Variants in UACA observed in about 807,000 individuals in gnomAD.
UACA encodes the protein uveal autoantigen with coiled-coil domains and ankyrin repeats, also known as nuclear membrane binding protein.
A neutral mutation model predicts 160.5 loss-of-function variants in UACA; 112 were observed. That is an observed-to-expected ratio of 0.70 (90% CI 0.60 to 0.82). The LOEUF (loss-of-function observed/expected upper bound fraction) is 0.82. Ranked by LOEUF, UACA falls within the 40% of genes least tolerant of loss-of-function variation. The pLI is 0.00. For missense variants in UACA, 1,574 were observed against 1,614.6 expected, an observed-to-expected ratio of 0.97 and a Z score of 0.43; for synonymous variants, 557 against 568.4, an observed-to-expected ratio of 0.98 and a Z score of 0.29.
the UACA span, among the ~76,000 whole-genome samples, chr15:70,772,337 C>CA: frequency 6.6e-6 from 1 of 151,518 alleles, no homozygotes; most frequent in Non-Finnish European, 1.5e-5. Flanking sequence ...ACTAAAAATA[C>CA]AAAAAATTAG....
chr15:70,738,182 A>G (rs1327650183), intron 1 of UACA, among the ~76,000 whole-genome samples: 1 of 152,148 alleles, frequency 6.6e-6, no homozygotes, highest in Non-Finnish European at 1.5e-5. Flanking sequence ...TATATTCATC[A>G]GTAAAAATCA....
chr15:70,678,104 T>A lies in UACA; in HGVS notation c.994A>T (p.Asn332Tyr), dbSNP rs750333142. 1.3e-5 allele frequency: 21 copies of A among 1,587,588 alleles called. No individual in the cohort carries two copies. Among genetic ancestry groups the A allele is most frequent in the Non-Finnish European group, 8.5e-7 (1 of 1,169,604 alleles). Residue 332 changes from asparagine to tyrosine, a missense_variant, in exon 11 of 19, where the codon AAT (asparagine) becomes TAT (tyrosine). Transcript: ENST00000322954. The part of the protein sequence containing the change: ...DKVNGLQLQL[N>Y]EEVMVADDLE... Reference sequence around the variant, plus strand: ...TATTATGCAGATTTATTTACCTCATTCAGCTGTAACTGTAAACCATTGACT... The same window carrying A: ...TATTATGCAGATTTATTTACCTCATACAGCTGTAACTGTAAACCATTGACT...
At chr15:70,767,020 C>T (rs1350163522), upstream of UACA, among the ~76,000 whole-genome samples, 7 of 151,874 alleles carry the variant, frequency 4.6e-5, 1 homozygote, top group South Asian at 1.5e-3. Context: ...GCGGGTGGAT[C>T]ACGGGGTCAG....
intron 1 of UACA, among the ~76,000 whole-genome samples, chr15:70,744,086 T>C (rs1899621667): frequency 6.6e-6 from 1 of 151,042 alleles, no homozygotes; most frequent in African/African-American, 2.4e-5. Flanking sequence ...CTACTAAAAA[T>C]ACAAAAAAAG....
intron 1 of UACA, among the ~76,000 whole-genome samples, chr15:70,724,791 T>A (rs1899096409): frequency 6.6e-6 from 1 of 151,828 alleles, no homozygotes. Flanking sequence ...TGTTCTCTAT[T>A]CATCTGCACC....
intron 1 of UACA, among the ~76,000 whole-genome samples, chr15:70,721,199 T>C (rs1414997140): frequency 6.6e-6 from 1 of 152,166 alleles, no homozygotes; most frequent in Non-Finnish European, 1.5e-5. Flanking sequence ...GCAAAATGAG[T>C]ACAGTTAGTG....
chr15:70,703,254 A>G, intron 1 of UACA: 1 of 1,287,660 alleles, frequency 7.8e-7, no homozygotes, highest in Non-Finnish European at 1.0e-6. Flanking sequence ...CTCTAAAAAG[A>G]CACATTTGTG....
chr15:70,708,462 A>G (rs1049842675), intron 1 of UACA, among the ~76,000 whole-genome samples: 2 of 150,098 alleles, frequency 1.3e-5, no homozygotes, highest in African/African-American at 5.0e-5. Context: ...TCACAATACT[A>G]TCTTTTTTTT....
Position 70,656,892 on chromosome 15 carries a change from A to T in UACA, c.*164T>A. On this transcript the variant is annotated 3_prime_UTR_variant, in exon 19 of 19. Coordinates refer to ENST00000322954, the MANE Select transcript of UACA (RefSeq NM_018003.4). The stretch of plus-strand genomic sequence containing the variant: ...ATAAGATTCAAACTGATATTGAAAA[A>T]GACTAACATATTCATCTAATTTTAA... 4.0e-6 allele frequency: 2 copies of T among 496,586 alleles called. No individual in the cohort carries two copies. The highest frequency in any genetic ancestry group is 7.2e-6 in the Non-Finnish European group (2 of 279,572). The allele number at this position is 496,586 out of a possible 1,614,324, so 30.8% of individuals were successfully genotyped here.
At chr15:70,704,559 G>C (rs1898470784) in intron 1 of UACA, among the ~76,000 whole-genome samples, 1 of 152,154 alleles carries the variant, frequency 6.6e-6, no homozygotes, top group South Asian at 2.1e-4. Context: ...TCTACCTGCT[G>C]TATGTATACT....
chr15:70,774,696 T>C, the UACA span, among the ~76,000 whole-genome samples: 1 of 152,134 alleles, frequency 6.6e-6, no homozygotes, highest in Non-Finnish European at 1.5e-5. Context: ...GTAAATAGTT[T>C]GCCCATATAG....
At chr15:70,711,590 G>C (rs1209779713) in intron 1 of UACA, among the ~76,000 whole-genome samples, 1 of 151,902 alleles carries the variant, frequency 6.6e-6, no homozygotes, top group Non-Finnish European at 1.5e-5. Flanking sequence ...AAATATGTAT[G>C]ATCAGTTGAT....
chr15:70,729,689 C>A, intron 1 of UACA, among the ~76,000 whole-genome samples: 1 of 142,462 alleles, frequency 7.0e-6, no homozygotes, highest in Non-Finnish European at 1.5e-5. Context: ...AGGAACAGCT[C>A]CGGTCTACAG....
intron 12 of UACA, 35 bp downstream of exon 12, chr15:70,677,073 C>G (rs1282733598): frequency 3.9e-6 from 6 of 1,557,548 alleles, no homozygotes; most frequent in Non-Finnish European, 5.3e-6. Flanking sequence ...ATTCCTAAAA[C>G]AATTTTAATG....
intron 1 of UACA, among the ~76,000 whole-genome samples, chr15:70,712,376 C>T (rs1437851700): frequency 6.6e-6 from 1 of 152,146 alleles, no homozygotes; most frequent in South Asian, 2.1e-4. Context: ...CCATCCCTCA[C>T]CAGGATGGCT....
chr15:70,712,034 C>T (rs1487696426), intron 1 of UACA, among the ~76,000 whole-genome samples: 1 of 134,818 alleles, frequency 7.4e-6, no homozygotes, highest in Non-Finnish European at 1.6e-5. Flanking sequence ...GCAACCCAGG[C>T]TCCTCTAAGC....
At chr15:70,705,209 A>G (rs1443624507) in intron 1 of UACA, among the ~76,000 whole-genome samples, 1 of 149,154 alleles carries the variant, frequency 6.7e-6, no homozygotes, top group South Asian at 2.1e-4. Context: ...TAATATCACT[A>G]ATCAGAAAAA....
chr15:70,775,752 GATTCCATGCCTGT>G, the UACA span, among the ~76,000 whole-genome samples: 1 of 152,200 alleles, frequency 6.6e-6, no homozygotes, highest in Non-Finnish European at 1.5e-5. Flanking sequence ...ATGCTTGTGT[GATTCCATGCCTGT>G]ATTCCTAAAC....
intron 17 of UACA, chr15:70,660,705 A>G (rs1048723373): frequency 3.9e-5 from 6 of 152,722 alleles, no homozygotes; most frequent in Non-Finnish European, 5.8e-5. Context: ...GGCTTCAAAC[A>G]TTAACTTTCA....
Sources: gnomAD v4.1 joint callset for allele counts (sites outside exome capture counted in the v4.1 genomes callset) on GRCh38, gnomAD v4.1.1 for gene constraint, MANE v1.5 for transcripts, NCBI Gene and HGNC (gene_info 2026-07-23, HGNC 2026-07-21) for gene names.